TMEM266: variants seen among roughly 807,000 people sequenced by gnomAD.
TMEM266 encodes the protein transmembrane protein 266.
Under a neutral mutation model 50.5 loss-of-function variants are expected in TMEM266, and 33 were observed. The observed-to-expected ratio is 0.65, with a 90% CI of 0.50 to 0.87. The LOEUF (loss-of-function observed/expected upper bound fraction) is 0.87. TMEM266 is among the 40% of genes least tolerant of loss of function. The probability of loss-of-function intolerance (pLI) is 0.00; values close to 1 mark genes in which losing one functional copy is unlikely to be tolerated. For synonymous variants in TMEM266, 310 were observed against 292.3 expected, an observed-to-expected ratio of 1.06 and a Z score of -0.62; for missense variants, 655 against 695.1, an observed-to-expected ratio of 0.94 and a Z score of 0.65.
chr15:76,101,867 C>T (rs563367107), intron 1 of TMEM266, among the ~76,000 whole-genome samples: 1 of 152,334 alleles, frequency 6.6e-6, no homozygotes, highest in African/African-American at 2.4e-5. Context: ...TCGGAGGTGG[C>T]TTGATATGCT....
At chr15:76,149,303 T>G (rs1402958512) in intron 3 of TMEM266, among the ~76,000 whole-genome samples, 1 of 152,136 alleles carries the variant, frequency 6.6e-6, no homozygotes, top group East Asian at 1.9e-4. Context: ...GCCTTTTGAG[T>G]GGTCTAGAAC....
Position 76,191,964 on chromosome 15 carries a change from G to C in TMEM266, c.769-4G>C. 1.9e-6 allele frequency: 3 copies of C among 1,580,024 alleles called. No homozygotes were observed. The highest frequency in any genetic ancestry group is 2.6e-6 in the Non-Finnish European group (3 of 1,168,520). ...GATTCAGCCTTGCCCGTCTCCCTCC[G>C]CAGTTTGAGATCCGGCAGCTGCGCG... On this transcript the variant is annotated splice_region_variant and splice_polypyrimidine_tract_variant and intron_variant, in intron 8 of 10. Transcript: ENST00000388942.
At chr15:76,100,074 G>T (rs2036979808) in intron 1 of TMEM266, among the ~76,000 whole-genome samples, 1 of 152,112 alleles carries the variant, frequency 6.6e-6, no homozygotes, top group Admixed American at 6.5e-5. Context: ...AACACATGGG[G>T]ATTACAAGTT....
intron 1 of TMEM266, among the ~76,000 whole-genome samples, chr15:76,131,536 A>G (rs555711398): frequency 1.4e-3 from 211 of 152,370 alleles, no homozygotes; most frequent in African/African-American, 4.8e-3. Context: ...GTCTCAGAAG[A>G]CTTTATTAAC....
chr15:76,139,135 T>C lies in TMEM266; in HGVS notation c.227+1240T>C, dbSNP rs894236720. Among the ~76,000 whole-genome samples, 1 of 152,170 alleles carries C rather than the reference T, an allele frequency of 6.6e-6. No individual in the cohort carries two copies. The highest frequency in any genetic ancestry group is 1.5e-5 in the Non-Finnish European group (1 of 68,032). On this transcript the variant is annotated intron_variant, in intron 3 of 10. Coordinates refer to ENST00000388942, the MANE Select transcript of TMEM266 (RefSeq NM_152335.3). The surrounding 1 kb of genome is among the most constrained non-coding windows in gnomAD (Gnocchi z 4.1). ...TATAAAAATGAAGGGTTGTCAGGTA[T>C]TTTAGAAGCAAACGAGAAGCCTTAG...
rs2038803894 is a variant in TMEM266, at chr15:76,204,377, TG to T, written c.*64del. ...CCATCTCAAAGCTCTCCTGGGACCC[TG>T]GAGGCTGCCAAGGGCCACACGCGGG... On this transcript the variant is annotated 3_prime_UTR_variant, in exon 11 of 11. Coordinates refer to ENST00000388942, the MANE Select transcript of TMEM266 (RefSeq NM_152335.3). The T allele has an allele frequency of 1.4e-6, 2 of 1,476,410 alleles. No individual in the cohort carries two copies. Among genetic ancestry groups the T allele is most frequent in the East Asian group, 4.6e-5 (2 of 43,636 alleles). The allele number at this position is 1,476,410 out of a possible 1,614,324, so 91.5% of individuals were successfully genotyped here.
chr15:76,177,717 C>T lies in TMEM266; in HGVS notation c.768+2043C>T, dbSNP rs565629452. Among the ~76,000 whole-genome samples, 3 of 152,372 alleles carry T rather than the reference C, an allele frequency of 2.0e-5. No individual in the cohort carries two copies. In the East Asian group the frequency reaches 5.8e-4, roughly 29 times the overall value. On this transcript the variant is annotated intron_variant, in intron 8 of 10. Coordinates refer to ENST00000388942, the MANE Select transcript of TMEM266 (RefSeq NM_152335.3). ...CTTCCTGAGGAGCTGGCATCAGCTT[C>T]ATTCATTCTCTTGCCATATCGCGTG...
At chr15:76,082,478 G>A (rs1567144117) in intron 1 of TMEM266, among the ~76,000 whole-genome samples, 1 of 152,236 alleles carries the variant, frequency 6.6e-6, no homozygotes, top group Non-Finnish European at 1.5e-5. Flanking sequence ...TTTGAACAGA[G>A]TATTATGATG....
At chr15:76,190,796 G>A (rs1418791316) in intron 8 of TMEM266, among the ~76,000 whole-genome samples, 3 of 152,290 alleles carry the variant, frequency 2.0e-5, no homozygotes, top group East Asian at 3.9e-4. Context: ...AGTTTGAGGG[G>A]TCAGGGCTGG....
At chr15:76,143,717 G>A (rs1273627238) in intron 3 of TMEM266, among the ~76,000 whole-genome samples, 1 of 152,068 alleles carries the variant, frequency 6.6e-6, no homozygotes, top group Non-Finnish European at 1.5e-5. Context: ...AAAATTGTTT[G>A]AGGTTCCTCT....
rs577851234 is a variant in TMEM266 at position 76,065,260 on chromosome 15, T to C, written c.-97+5244T>C. Among the ~76,000 whole-genome samples, 11 of 152,336 alleles carry C rather than the reference T, an allele frequency of 7.2e-5. No homozygotes were observed. The East Asian group carries it at 2.1e-3, about 29-fold the overall frequency. ...CCTGTCTTTTAACTGTCAGTTTCTA[T>C]GCAAGGCTCTATCACTGCCCTTCTT... is the stretch of plus-strand genomic sequence containing the variant. On this transcript the variant is annotated intron_variant, in intron 1 of 10. Coordinates refer to ENST00000388942, the MANE Select transcript of TMEM266 (RefSeq NM_152335.3).
intron 9 of TMEM266, among the ~76,000 whole-genome samples, chr15:76,193,168 G>A (rs1466231152): frequency 6.6e-6 from 1 of 152,244 alleles, no homozygotes; most frequent in Non-Finnish European, 1.5e-5. Context: ...AGGAACCGAT[G>A]GGTGTGAGAA....
At chr15:76,124,355 A>G (rs1028861377) in intron 1 of TMEM266, among the ~76,000 whole-genome samples, 3 of 152,216 alleles carry the variant, frequency 2.0e-5, no homozygotes, top group Non-Finnish European at 4.4e-5. Context: ...TTCTCTGTAC[A>G]CTGAAAACTA....
chr15:76,130,255 C>G (rs76095170), intron 1 of TMEM266, among the ~76,000 whole-genome samples: 1 of 64,006 alleles, frequency 1.6e-5, no homozygotes, highest in Non-Finnish European at 3.3e-5. Context: ...AAAAAAAAAA[C>G]CGCCGGGTGC....
intron 1 of TMEM266, among the ~76,000 whole-genome samples, chr15:76,066,640 T>TAA (rs111952608): frequency 1.2e-4 from 17 of 136,340 alleles, no homozygotes; most frequent in African/African-American, 3.7e-4. Flanking sequence ...GCTGCCTACT[T>TAA]AAAAAAAAAA....
chr15:76,180,607 C>CTTTTTTTTTTTTTTTTTTTTTTTTTTT (rs59287886), intron 8 of TMEM266, among the ~76,000 whole-genome samples: 1 of 63,170 alleles, frequency 1.6e-5, no homozygotes, highest in African/African-American at 6.5e-5. Flanking sequence ...TCATCTTAAG[C>CTTTTTTTTTTTTTTTTTTTTTTTTTTT]TTTTTTTTTT....
intron 5 of TMEM266, among the ~76,000 whole-genome samples, chr15:76,164,362 C>A (rs934068438): frequency 1.3e-5 from 2 of 152,122 alleles, no homozygotes; most frequent in Non-Finnish European, 2.9e-5. Context: ...TGCATCACCA[C>A]ACCTGGCTAA....
chr15:76,161,728 G>A lies in TMEM266; in HGVS notation c.456+1560G>A. ...CCTCCCTGAGACCATTGCCCTGGAG[G>A]TGCCTCTGCCCCGCAGAGCAGAGTG... On this transcript the variant is annotated intron_variant, in intron 5 of 10. Transcript: ENST00000388942. This position sits in a 1 kb window ranked among gnomAD's most constrained non-coding sequence, Gnocchi z 4.1. 6.6e-6 allele frequency among the ~76,000 whole-genome samples: 1 copy of A among 152,142 alleles called. No individual in the cohort carries two copies. The highest frequency in any genetic ancestry group is 1.9e-4 in the East Asian group (1 of 5,186).
Position 76,191,860 on chromosome 15 carries a change from A to T in TMEM266, c.769-108A>T, listed in dbSNP as rs1298611194. On this transcript the variant is annotated intron_variant, in intron 8 of 10. Coordinates refer to ENST00000388942, the MANE Select transcript of TMEM266 (RefSeq NM_152335.3). Reference sequence around the variant, plus strand: ...CATCCAGCTGCGGGAGGCTCAGCCCAGTCCTCCCCACCCCGCCCCCATGCA... The same window carrying T: ...CATCCAGCTGCGGGAGGCTCAGCCCTGTCCTCCCCACCCCGCCCCCATGCA... The T allele has an allele frequency of 5.9e-6, 6 of 1,023,746 alleles. No individual in the cohort carries two copies. In the African/African-American group the frequency reaches 1.0e-4, roughly 18 times the overall value. 63.4% of individuals were successfully genotyped at this position (1,023,746 alleles called of 1,614,324 possible).
Sources: gnomAD v4.1 joint callset for allele counts (sites outside exome capture counted in the v4.1 genomes callset) on GRCh38, gnomAD v4.1.1 for gene constraint, Gnocchi (gnomAD v3.1) non-coding constraint, MANE v1.5 for transcripts, NCBI Gene and HGNC (gene_info 2026-07-23, HGNC 2026-07-21) for gene names.